The following POSTN variants were observed in gnomAD, a reference collection of about 807,000 sequenced individuals.
POSTN encodes the protein osteoblast specific factor 2 (fasciclin I-like).
A neutral mutation model predicts 104.5 loss-of-function variants in POSTN; 71 were observed. The ratio of observed to expected loss-of-function variants is 0.68; its 90% CI spans 0.56 to 0.83. The LOEUF (loss-of-function observed/expected upper bound fraction) is 0.83, where lower values mean the gene tolerates loss of function less well. POSTN is among the 40% of genes least tolerant of loss of function. POSTN has a pLI of 0.00. For missense variants in POSTN, 949 were observed against 1,006.8 expected, an observed-to-expected ratio of 0.94 and a Z score of 0.78; for synonymous variants, 355 against 340.7, an observed-to-expected ratio of 1.04 and a Z score of -0.46.
At chr13:37,566,806 A>G (rs1041490064) in intron 21 of POSTN, among the ~76,000 whole-genome samples, 3 of 152,208 alleles carry the variant, frequency 2.0e-5, no homozygotes, top group African/African-American at 4.8e-5. Context: ...GCATTTAATG[A>G]GAAATTTTTT....
chr13:37,586,736 A>G (rs1198521925), intron 6 of POSTN, 46 bp downstream of exon 6: 7 of 1,538,248 alleles, frequency 4.6e-6, no homozygotes, highest in Non-Finnish European at 6.2e-6. Flanking sequence ...TGACAGGAGA[A>G]GAAGAGGGAT....
At chr13:37,590,551 T>A (rs1174045834) in intron 3 of POSTN, 22 bp from the exon 4 acceptor site, 4 of 1,598,698 alleles carry the variant, frequency 2.5e-6, no homozygotes, top group Non-Finnish European at 2.6e-6. Flanking sequence ...AAGAAATGAA[T>A]CAGTACTGGG....
chr13:37,589,411 A>G lies in POSTN; in HGVS notation c.441+961T>C, dbSNP rs568000879. 1.5e-4 allele frequency among the ~76,000 whole-genome samples: 23 copies of G among 152,098 alleles called. 1 individual carries two copies. The South Asian group carries it at 4.8e-3, about 32-fold the overall frequency. On this transcript the variant is annotated intron_variant, in intron 4 of 22. Transcript: ENST00000379747. ...TGTGCACAACGTGAAGGTTTGTTACATATGTATACATGTGCCATGTTGGTG... is the reference window on the plus strand; with the variant it reads ...TGTGCACAACGTGAAGGTTTGTTACGTATGTATACATGTGCCATGTTGGTG...
chr13:37,585,934 T>C (rs1950729144), intron 7 of POSTN, among the ~76,000 whole-genome samples: 1 of 152,218 alleles, frequency 6.6e-6, no homozygotes, highest in South Asian at 2.1e-4. Context: ...TATGAAAGAA[T>C]GTGATCTTGA....
intron 21 of POSTN, 100 bp downstream of exon 21, chr13:37,569,200 T>A (rs12184907): frequency 2.8e-6 from 2 of 721,068 alleles, no homozygotes; most frequent in Non-Finnish European, 4.6e-6. Context: ...TTTTTTTTTT[T>A]AACCCAATTA....
Position 37,574,591 on chromosome 13 carries a change from C to T in POSTN, c.2070G>A (p.Gln690=). 1.3e-6 allele frequency: 2 copies of T among 1,595,864 alleles called. No individual in the cohort carries two copies. The highest frequency in any genetic ancestry group is 1.7e-6 in the Non-Finnish European group (2 of 1,174,098). The change falls in exon 17 of 23, where the codon CAG becomes CAA. Residue 690 remains glutamine, a synonymous_variant. Coordinates refer to ENST00000379747, the MANE Select transcript of POSTN (RefSeq NM_006475.3). ...PKIKVIEGSL[Q]PIIKTEGPTL... ...TTTTACCTTCAGTTTTGATAATAGG[C>T]TGAAGACTGCCTTCAATCACTTTAA...
At position 37,574,653 on chromosome 13, in the gene POSTN, C is replaced by A; in HGVS notation, c.2009-1G>T. 2 of 1,588,670 alleles carry A rather than the reference C, an allele frequency of 1.3e-6. No individual in the cohort carries two copies. Among genetic ancestry groups the A allele is most frequent in the Admixed American group, 1.8e-5 (1 of 55,414 alleles). On this transcript the variant is annotated splice_acceptor_variant, in intron 16 of 22. Transcript: ENST00000379747. LOFTEE classifies it high-confidence loss of function. ...ACAACTTTGGTTATAATTTTAGTTG[C>A]TGAAAGTATAGAAAGTGGAACATGA...
At chr13:37,569,439 C>T (rs1037457850) in intron 20 of POSTN, 56 bp from the exon 21 acceptor site, 7 of 1,309,490 alleles carry the variant, frequency 5.3e-6, no homozygotes, top group African/African-American at 4.4e-5. Flanking sequence ...ATAAAGACAG[C>T]AGACTTTATG....
rs199954350 is a variant in POSTN at position 37,579,312 on chromosome 13, C to T, written c.1708G>A (p.Gly570Arg). 17 of 1,599,346 alleles carry T rather than the reference C, an allele frequency of 1.1e-5. No individual in the cohort carries two copies. In the Admixed American group the frequency reaches 1.7e-4, roughly 16 times the overall value. ...QNIILYHLTPGVFIGKGFEPG... is the reference protein window; with the variant it reads ...QNIILYHLTPRVFIGKGFEPG... ...TCAAATCCTTTTCCAATGAAAACTC[C>T]TGGTGTCAGGTGATAAAGAATGATG... Residue 570 changes from glycine (G) to arginine (R), a missense_variant, in exon 13 of 23, where the codon GGA becomes AGA. Gly to Arg is a moderately radical substitution (Grantham distance 125). Coordinates refer to ENST00000379747, the MANE Select transcript of POSTN (RefSeq NM_006475.3).
intron 21 of POSTN, among the ~76,000 whole-genome samples, chr13:37,566,469 C>T (rs918573094): frequency 1.3e-5 from 2 of 152,108 alleles, no homozygotes; most frequent in African/African-American, 4.8e-5. Context: ...TTACTTTGTG[C>T]TGAACATTGT....
In POSTN at chr13:37,564,571, ATTG is replaced by A; in HGVS notation, c.2432-14_2432-12del. 3 of 1,581,406 alleles carry A rather than the reference ATTG, an allele frequency of 1.9e-6. No homozygotes were observed. The highest frequency in any genetic ancestry group is 2.6e-6 in the Non-Finnish European group (3 of 1,152,974). ...TCCTCACGGGTGTGTCTAAAATTAAATTGTTGTAGTTAGAAATACTTCGCAATT... is the reference window on the plus strand; with the variant it reads ...TCCTCACGGGTGTGTCTAAAATTAAATTGTAGTTAGAAATACTTCGCAATT... On this transcript the variant is annotated splice_polypyrimidine_tract_variant and intron_variant, in intron 21 of 22. Coordinates refer to ENST00000379747, the MANE Select transcript of POSTN (RefSeq NM_006475.3).
chr13:37,570,788 T>C, intron 18 of POSTN, 119 bp from the exon 19 acceptor site: 1 of 678,270 alleles, frequency 1.5e-6, no homozygotes, highest in South Asian at 2.0e-5. Context: ...TAAGATTCAA[T>C]CATAAACATT....
At chr13:37,598,339 C>A (rs1015682162) in intron 1 of POSTN, among the ~76,000 whole-genome samples, 3 of 151,674 alleles carry the variant, frequency 2.0e-5, no homozygotes, top group Non-Finnish European at 4.4e-5. Context: ...AAAAGAATGC[C>A]CAGCTAAATT....
chr13:37,570,601 G>C lies in POSTN; in HGVS notation c.2248C>G (p.Arg750Gly), dbSNP rs760626575. 9 of 1,603,018 alleles carry C rather than the reference G, an allele frequency of 5.6e-6. No homozygotes were observed. Among genetic ancestry groups the C allele is most frequent in the African/African-American group, 5.4e-5 (4 of 74,610 alleles). ...CTACCTGTAATGATTCGTTCTTCTCGTGTCTCTTTTTCAGTTATTTCCACA... is the reference window on the plus strand; with the variant it reads ...CTACCTGTAATGATTCGTTCTTCTCCTGTCTCTTTTTCAGTTATTTCCACA... ...VPVEITEKET[R>G]EERIITGPEI... The change falls in exon 19 of 23, where the codon CGA becomes GGA. Residue 750 changes from arginine to glycine, a missense_variant. Transcript: ENST00000379747.
intron 9 of POSTN, among the ~76,000 whole-genome samples, chr13:37,583,730 A>C (rs1950667132): frequency 6.6e-6 from 1 of 152,038 alleles, no homozygotes; most frequent in Non-Finnish European, 1.5e-5. Context: ...TGGCCTGAAT[A>C]GTCTTAATTA....
At position 37,569,792 on chromosome 13, in the gene POSTN, T is replaced by G. The variant is rs1950211933; in HGVS notation, c.2299A>C (p.Thr767Pro). 1.2e-6 allele frequency: 2 copies of G among 1,605,030 alleles called. No individual in the cohort carries two copies. The highest frequency in any genetic ancestry group is 1.7e-5 in the Admixed American group (1 of 59,776). Reference protein sequence around the residue: ...GPEIKYTRISTGGGETEETLK... With the variant: ...GPEIKYTRISPGGGETEETLK... ...GTTTCTTCTGTTTCTCCACCTCCAG[T>G]AGAAATCCTAGTGTATTTTATTTCA... The change falls in exon 20 of 23, where the codon ACT (threonine) becomes CCT (proline). Residue 767 changes from threonine (T) to proline (P), a missense_variant. Thr to Pro is a conservative substitution (Grantham distance 38, BLOSUM62 -1). Transcript: ENST00000379747.
In POSTN at chr13:37,580,707, G is replaced by T. The variant is rs1468756780; in HGVS notation, c.1393-10C>A. The T allele has an allele frequency of 6.2e-7, 1 of 1,613,896 alleles. No individual in the cohort carries two copies. Among genetic ancestry groups the T allele is most frequent in the East Asian group, 2.2e-5 (1 of 44,862 alleles). On this transcript the variant is annotated splice_polypyrimidine_tract_variant and intron_variant, in intron 10 of 22. Coordinates refer to ENST00000379747, the MANE Select transcript of POSTN (RefSeq NM_006475.3). ...TTTCAATGCAGACAGCCTAGGAAAGGAAAGAAAGGTATGGGGTGTCATTTT... is the reference window on the plus strand; with the variant it reads ...TTTCAATGCAGACAGCCTAGGAAAGTAAAGAAAGGTATGGGGTGTCATTTT...
chr13:37,582,152 A>C (rs1950608906), intron 10 of POSTN, among the ~76,000 whole-genome samples: 1 of 152,232 alleles, frequency 6.6e-6, no homozygotes, highest in Non-Finnish European at 1.5e-5. Flanking sequence ...ATTCATAATG[A>C]AACACATGCA....
rs1950348604 is a variant in POSTN at position 37,574,433 on chromosome 13, G to A, written c.2089+139C>T. 2.5e-6 allele frequency: 3 copies of A among 1,179,604 alleles called. No homozygotes were observed. In the African/African-American group the frequency reaches 4.9e-5, roughly 19 times the overall value. 73.1% of individuals were successfully genotyped at this position (1,179,604 alleles called of 1,614,324 possible). A position where few individuals can be genotyped will look rare whatever the true frequency, so the allele number is the denominator to read the frequency against. ...TGCACTCCGCATTCTGCAATTACAT[G>A]AGCATGCCATTGGTATAATATTGGT... On this transcript the variant is annotated intron_variant, in intron 17 of 22. Coordinates refer to ENST00000379747, the MANE Select transcript of POSTN (RefSeq NM_006475.3).
Sources: gnomAD v4.1 joint callset for allele counts (sites outside exome capture counted in the v4.1 genomes callset) on GRCh38, gnomAD v4.1.1 for gene constraint, MANE v1.5 for transcripts, NCBI Gene and HGNC (gene_info 2026-07-23, HGNC 2026-07-21) for gene names.